MUC6: variants seen among roughly 807,000 people sequenced by gnomAD.
The protein encoded by MUC6 is mucin 6, oligomeric mucus/gel-forming (gene/pseudogene).
In MUC6, 188 loss-of-function variants were observed where a neutral mutation model predicts 201.5. That is an observed-to-expected ratio of 0.93 (90% confidence interval 0.83 to 1.05). The LOEUF (loss-of-function observed/expected upper bound fraction) is 1.05, where lower values mean the gene tolerates loss of function less well. MUC6 is among the 50% of genes least tolerant of loss of function. MUC6 has a pLI of 0.00. For missense variants in MUC6, 2,706 were observed against 3,256.9 expected, an observed-to-expected ratio of 0.83 and a Z score of 4.12; for synonymous variants, 1,228 against 1,389.4, an observed-to-expected ratio of 0.88 and a Z score of 2.58.
intron 1 of MUC6, among the ~76,000 whole-genome samples, chr11:1,034,394 C>G (rs1033903837): frequency 1.3e-5 from 2 of 152,210 alleles, no homozygotes; most frequent in Non-Finnish European, 2.9e-5. Flanking sequence ...GCACCTACCC[C>G]CTCACTCATC....
chr11:1,023,231 CGTGAATGAATGT>C (rs1176905796), intron 26 of MUC6, among the ~76,000 whole-genome samples: 1 of 149,260 alleles, frequency 6.7e-6, no homozygotes, highest in African/African-American at 2.5e-5. Flanking sequence ...GTAGTGACTG[CGTGAATGAATGT>C]GTGAATGAAT....
At position 1,020,155 on chromosome 11, in the gene MUC6, C is replaced by T. The variant is rs745775090; in HGVS notation, c.3743G>A (p.Ser1248Asn). The T allele has an allele frequency of 1.9e-6, 3 of 1,612,960 alleles. No homozygotes were observed. The highest frequency in any genetic ancestry group is 1.7e-5 in the Admixed American group (1 of 59,974). Residue 1248 changes from serine (S) to asparagine (N), a missense_variant, in exon 29 of 33, where the codon AGC (serine) becomes AAC (asparagine). Transcript: ENST00000421673. ...TGGAAGGAGGGGTGTCTGGGTGGGG[C>T]TGGCAGGGGTGTGATTAGAGCTGGG... ...PSPSSNHTPA[S>N]PTQTPLLPAT...
chr11:1,024,402 C>T (rs943646297), intron 24 of MUC6, among the ~76,000 whole-genome samples: 12 of 152,356 alleles, frequency 7.9e-5, no homozygotes, highest in Admixed American at 1.3e-4. Context: ...CCCCACGTCA[C>T]GCTCACATTC....
chr11:1,023,211 GAAT>G (rs1856862855), intron 26 of MUC6, among the ~76,000 whole-genome samples: 1 of 152,020 alleles, frequency 6.6e-6, no homozygotes. Flanking sequence ...GAGCATGAAT[GAAT>G]GTGTGTGTAG....
rs1396400622 is a variant in MUC6, at chr11:1,031,644, T to A, written c.446A>T (p.Glu149Val). The A allele has an allele frequency of 3.2e-6, 5 of 1,550,166 alleles. No homozygotes were observed. The highest frequency in any genetic ancestry group is 4.4e-6 in the Non-Finnish European group (5 of 1,147,030). Residue 149 changes from glutamate to valine, a missense_variant, in exon 4 of 33, where the codon GAG becomes GTG. Physicochemically the swap from Glu to Val is moderately radical, Grantham distance 121. Coordinates refer to ENST00000421673, the MANE Select transcript of MUC6 (RefSeq NM_005961.3). ...VRLVAKQLEL[E>V]LEVVWGPDSH... Reference sequence around the variant, plus strand: ...GTCAGGACCCCACACGACTTCCAGCTCCAGCTCCAGCTGCTTGGCCACCAG... The same window carrying A: ...GTCAGGACCCCACACGACTTCCAGCACCAGCTCCAGCTGCTTGGCCACCAG...
chr11:1,016,608 T>C lies in MUC6; in HGVS notation c.6193A>G (p.Thr2065Ala). 6.2e-7 allele frequency: 1 copy of C among 1,613,776 alleles called. No individual in the cohort carries two copies. The highest frequency in any genetic ancestry group is 2.2e-5 in the East Asian group (1 of 44,890). The change falls in exon 31 of 33, where the codon ACA becomes GCA. Residue 2065 changes from threonine to alanine, a missense_variant. Coordinates refer to ENST00000421673, the MANE Select transcript of MUC6 (RefSeq NM_005961.3). ...TGGCTGGTCCCACTGGTGGTCACTG[T>C]CATTGGTGGGGCTGTGTGGGTGGAC... ...TGSTHTAPPM[T>A]VTTSGTSQTH...
Position 1,026,481 on chromosome 11 carries a change from G to A in MUC6, c.2395-3C>T, listed in dbSNP as rs1354794920. On this transcript the variant is annotated splice_polypyrimidine_tract_variant and splice_region_variant and intron_variant, in intron 19 of 32. Coordinates refer to ENST00000421673, the MANE Select transcript of MUC6 (RefSeq NM_005961.3). ...CCAGGCTCACACTTGGTGGGCACCTGGAGGGAGGCAGGTCAGCAGCTCCTG... is the reference window on the plus strand; with the variant it reads ...CCAGGCTCACACTTGGTGGGCACCTAGAGGGAGGCAGGTCAGCAGCTCCTG... 1 of 1,582,160 alleles carries A rather than the reference G, an allele frequency of 6.3e-7. No individual in the cohort carries two copies. The highest frequency in any genetic ancestry group is 1.8e-5 in the Admixed American group (1 of 56,318).
intron 1 of MUC6, among the ~76,000 whole-genome samples, chr11:1,035,902 A>C (rs1170871487): frequency 6.6e-6 from 1 of 152,160 alleles, no homozygotes; most frequent in African/African-American, 2.4e-5. Flanking sequence ...CTGCGGCCAC[A>C]GAGGGACCCC....
Position 1,018,244 on chromosome 11 carries a change from G to A in MUC6, c.4557C>T (p.Asn1519=), listed in dbSNP as rs762266429. The A allele has an allele frequency of 1.9e-6, 3 of 1,613,774 alleles. No homozygotes were observed. The South Asian group carries it at 3.3e-5, about 18-fold the overall frequency. ...GTGAATGTAGCGAGGTAGGTGTTTTGTTTGTGCTGAATGAGCTGTGGGCTT... is the reference window on the plus strand; with the variant it reads ...GTGAATGTAGCGAGGTAGGTGTTTTATTTGTGCTGAATGAGCTGTGGGCTT... ...TSQAHSSFST[N]KTPTSLHSHT... is the part of the protein sequence containing the mutation. Residue 1519 remains asparagine (N), a synonymous_variant, in exon 31 of 33, where the codon AAC becomes AAT. Coordinates refer to ENST00000421673, the MANE Select transcript of MUC6 (RefSeq NM_005961.3).
At position 1,027,157 on chromosome 11, in the gene MUC6, C is replaced by G. The variant is rs754678585; in HGVS notation, c.2268G>C (p.Arg756=). The G allele has an allele frequency of 2.5e-6, 4 of 1,612,464 alleles. No homozygotes were observed. Among genetic ancestry groups the G allele is most frequent in the African/African-American group, 2.7e-5 (2 of 74,928 alleles). ...TGTACGTACCCAGGAACATCTGTGGCCGCTGCGGGCAACTCAGCCGCCCGT... is the reference window on the plus strand; with the variant it reads ...TGTACGTACCCAGGAACATCTGTGGGCGCTGCGGGCAACTCAGCCGCCCGT... ...CINGRLSCPQ[R]PQMFLASCQA... is the part of the protein sequence containing the mutation. Residue 756 remains arginine, a synonymous_variant, in exon 18 of 33, where the codon CGG becomes CGC. Transcript: ENST00000421673.
At chr11:1,032,086 G>GA (rs1213067123) in intron 2 of MUC6, 33 bp from the exon 3 acceptor site, 1 of 1,605,214 alleles carries the variant, frequency 6.2e-7, no homozygotes, top group Non-Finnish European at 8.5e-7. Context: ...ACAGCCCTGT[G>GA]TCCCCACCAT....
intron 14 of MUC6, 37 bp downstream of exon 14, chr11:1,028,189 G>T (rs774155489): frequency 3.2e-6 from 5 of 1,545,542 alleles, no homozygotes; most frequent in African/African-American, 1.4e-5. Context: ...GTGGGCGCTG[G>T]GGGGGCAGCC....
chr11:1,020,785 C>T lies in MUC6; in HGVS notation c.3590-51G>A, dbSNP rs1483386458. On this transcript the variant is annotated intron_variant, in intron 27 of 32. Coordinates refer to ENST00000421673, the MANE Select transcript of MUC6 (RefSeq NM_005961.3). ...TGTGGTTCTCTAAGCCTCCCCACCC[C>T]GTGGGGCCTCTGGGAGCTCCGAGGG... 2.6e-5 allele frequency: 41 copies of T among 1,593,892 alleles called. No homozygotes were observed. In the Middle Eastern group the frequency reaches 6.8e-4, roughly 26 times the overall value.
chr11:1,024,970 C>G lies in MUC6; in HGVS notation c.3099G>C (p.Glu1033Asp), dbSNP rs769657181. 3.1e-6 allele frequency: 5 copies of G among 1,613,050 alleles called. No homozygotes were observed. The African/African-American group carries it at 6.7e-5, about 22-fold the overall frequency. Residue 1033 changes from glutamate to aspartate, a missense_variant, in exon 24 of 33, where the codon GAG becomes GAC. This residue lies in a region of MUC6 where 1,850 missense variants were observed against 1,958.3 expected (regional missense o/e 0.94). Transcript: ENST00000421673. ...SELELVNSWKESPLCGDVSFV... is the reference protein window; with the variant it reads ...SELELVNSWKDSPLCGDVSFV... ...AGCTCACGTCCCCGCACAGCGGGCT[C>G]TCCTTCCACGAGTTCACCAACTCCA...
chr11:1,027,636 C>A, intron 16 of MUC6, 49 bp downstream of exon 16: 1 of 1,575,902 alleles, frequency 6.3e-7, no homozygotes. Context: ...GACACCCCCT[C>A]GTGAGCCCAG....
chr11:1,027,855 C>A, intron 15 of MUC6, 38 bp from the exon 16 acceptor site: 3 of 1,601,322 alleles, frequency 1.9e-6, no homozygotes, highest in South Asian at 1.1e-5. Context: ...GTGGCAGGCA[C>A]CCTGCCCTGG....
chr11:1,027,965 C>T lies in MUC6; in HGVS notation c.1848G>A (p.Lys616=). ...HATVNPAPFY[K]RCVYQACNYE... Reference sequence around the variant, plus strand: ...TCCCAAGACGCCCTCGGGCCCTCACCTTGTAGAAGGGTGCAGGGTTCACTG... The same window carrying T: ...TCCCAAGACGCCCTCGGGCCCTCACTTTGTAGAAGGGTGCAGGGTTCACTG... Residue 616 remains lysine (K), a splice_region_variant and synonymous_variant, in exon 15 of 33, where the codon AAG becomes AAA. Transcript: ENST00000421673. 2 of 1,572,460 alleles carry T rather than the reference C, an allele frequency of 1.3e-6. No homozygotes were observed.
Position 1,024,979 on chromosome 11 carries a change from C to T in MUC6, c.3090G>A (p.Ser1030=), listed in dbSNP as rs762518015. ...VASSELELVN[S]WKESPLCGDV... ...CCCCGCACAGCGGGCTCTCCTTCCA[C>T]GAGTTCACCAACTCCAGCTCGCTGG... is the stretch of plus-strand genomic sequence containing the variant. Residue 1030 remains serine (S), a synonymous_variant, in exon 24 of 33, where the codon TCG becomes TCA. Coordinates refer to ENST00000421673, the MANE Select transcript of MUC6 (RefSeq NM_005961.3). 44 of 1,613,074 alleles carry T rather than the reference C, an allele frequency of 2.7e-5. No individual in the cohort carries two copies. In the African/African-American group the frequency reaches 4.4e-4, roughly 16 times the overall value.
intron 23 of MUC6, 38 bp downstream of exon 23, chr11:1,025,144 C>T: frequency 6.2e-7 from 1 of 1,610,422 alleles, no homozygotes; most frequent in Non-Finnish European, 8.5e-7. Flanking sequence ...ACCCCTGCAT[C>T]AGGGAGGGCC....
Sources: gnomAD v4.1 joint callset for allele counts (sites outside exome capture counted in the v4.1 genomes callset) on GRCh38, gnomAD v4.1.1 for gene constraint, gnomAD v4.1.1 regional missense constraint, MANE v1.5 for transcripts, NCBI Gene and HGNC (gene_info 2026-07-23, HGNC 2026-07-21) for gene names.